The following EYS variants were observed in gnomAD, a reference collection of about 807,000 sequenced individuals.
The protein encoded by EYS is EGF-like photoreceptor maintenance factor, also known as protein eyes shut homolog.
Under a neutral mutation model 282.1 loss-of-function variants are expected in EYS, and 250 were observed. The ratio of observed to expected loss-of-function variants is 0.89; its 90% CI spans 0.80 to 0.98. The LOEUF is 0.98. Among genes scored for constraint, EYS ranks in the 50% least tolerant of loss-of-function variants. EYS has a pLI of 0.00. For synonymous variants in EYS, 1,355 were observed against 1,282.9 expected (o/e 1.06, Z -1.20); for missense variants, 4,016 against 3,709.0 (o/e 1.08, Z -2.15).
At chr6:65,240,940 TA>T (rs981344578) in intron 12 of EYS, among the ~76,000 whole-genome samples, 14 of 152,296 alleles carry the variant, frequency 9.2e-5, no homozygotes, top group African/African-American at 3.4e-4. Flanking sequence ...AACACAATTT[TA>T]TAACAGATTT....
chr6:64,352,090 C>G (rs746968994), intron 29 of EYS, among the ~76,000 whole-genome samples: 9 of 151,416 alleles, frequency 5.9e-5, no homozygotes, highest in Non-Finnish European at 1.3e-4. Context: ...TTTAAAACAA[C>G]CCAGGACCAA....
chr6:64,808,823 T>A, intron 22 of EYS, among the ~76,000 whole-genome samples: 1 of 152,140 alleles, frequency 6.6e-6, no homozygotes, highest in Admixed American at 6.6e-5. Flanking sequence ...TAAAATAATT[T>A]AAAATAATAA....
At chr6:64,227,316 G>A (rs773844798) in intron 31 of EYS, among the ~76,000 whole-genome samples, 1 of 151,686 alleles carries the variant, frequency 6.6e-6, no homozygotes, top group Non-Finnish European at 1.5e-5. Context: ...TTGGTTTGAC[G>A]ATTTTTGAAA....
chr6:64,594,849 A>G (rs1473539576), intron 24 of EYS, among the ~76,000 whole-genome samples: 1 of 151,478 alleles, frequency 6.6e-6, no homozygotes, highest in Non-Finnish European at 1.5e-5. Flanking sequence ...ATAATAATAA[A>G]ATTTAAAAAA....
intron 4 of EYS, chr6:65,491,422 A>G: frequency 3.2e-6 from 1 of 314,072 alleles, no homozygotes; most frequent in Non-Finnish European, 6.3e-6. Context: ...GTTACAAACC[A>G]ACTGCATGTA....
chr6:64,606,775 C>T (rs184053689), intron 24 of EYS, among the ~76,000 whole-genome samples: 33 of 142,136 alleles, frequency 2.3e-4, no homozygotes, highest in East Asian at 1.5e-3. Context: ...ACAGCCTTCT[C>T]CTTACTTGGG....
intron 28 of EYS, among the ~76,000 whole-genome samples, chr6:64,427,893 T>A (rs1318894239): frequency 6.6e-6 from 1 of 152,136 alleles, no homozygotes; most frequent in African/African-American, 2.4e-5. Context: ...ATTAATTTTC[T>A]GAAATAATGA....
At chr6:64,269,888 A>G (rs1046940261) in intron 30 of EYS, among the ~76,000 whole-genome samples, 1 of 152,048 alleles carries the variant, frequency 6.6e-6, no homozygotes, top group Non-Finnish European at 1.5e-5. Flanking sequence ...ATTACAACAA[A>G]CATATTTTGA....
At chr6:65,312,647 T>C (rs1769190638) in intron 11 of EYS, among the ~76,000 whole-genome samples, 5 of 152,190 alleles carry the variant, frequency 3.3e-5, no homozygotes, top group Admixed American at 6.5e-5. Context: ...GACAAATGTT[T>C]TACATGTAAA....
chr6:64,822,549 G>C lies in EYS; in HGVS notation c.3164+102C>G. On this transcript the variant is annotated intron_variant, in intron 20 of 42. Transcript: ENST00000503581. ...TACTTAGCTCTTGTTTTATGAAAGAGCATAATTAAAATTATCTTTATCAAC... is the reference window on the plus strand; with the variant it reads ...TACTTAGCTCTTGTTTTATGAAAGACCATAATTAAAATTATCTTTATCAAC... 3.0e-6 allele frequency: 3 copies of C among 992,096 alleles called. No individual in the cohort carries two copies. The South Asian group carries it at 5.3e-5, about 18-fold the overall frequency. 61.5% of individuals were successfully genotyped at this position (992,096 alleles called of 1,614,324 possible). A position where few individuals can be genotyped will look rare whatever the true frequency, so the allele number is the denominator to read the frequency against.
At chr6:63,984,675 G>T (rs1767274406) in intron 34 of EYS, 72 bp from the exon 35 acceptor site, 3 of 1,185,868 alleles carry the variant, frequency 2.5e-6, no homozygotes, top group Non-Finnish European at 3.6e-6. Context: ...TAGGATGTTT[G>T]GTTCTGTAAT....
chr6:65,323,446 C>T lies in EYS; in HGVS notation c.1766+11534G>A, dbSNP rs972552822. On this transcript the variant is annotated intron_variant, in intron 11 of 42. Transcript: ENST00000503581. ...CTACTCTGAAGACAAGGTGTTCTTA[C>T]ATCTCGGTCTTTGAGCATATATGTA... Among the ~76,000 whole-genome samples the T allele has an allele frequency of 1.8e-4, 27 of 152,290 alleles. No individual in the cohort carries two copies. The Middle Eastern group carries it at 0.01, about 58-fold the overall frequency.
chr6:63,738,860 T>A lies in EYS; in HGVS notation c.8072-12180A>T, dbSNP rs1582158603. On this transcript the variant is annotated intron_variant, in intron 41 of 42. Coordinates refer to ENST00000503581, the MANE Select transcript of EYS (RefSeq NM_001142800.2). ...TTATATCCATATCCTGATCCTCAACTAATCTCCACCCACTAGCAGCATTAA... is the reference window on the plus strand; with the variant it reads ...TTATATCCATATCCTGATCCTCAACAAATCTCCACCCACTAGCAGCATTAA... Among the ~76,000 whole-genome samples, 3 of 152,292 alleles carry A rather than the reference T, an allele frequency of 2.0e-5. No individual in the cohort carries two copies. The South Asian group carries it at 6.2e-4, about 32-fold the overall frequency.
intron 26 of EYS, among the ~76,000 whole-genome samples, chr6:64,547,982 C>T (rs1764936388): frequency 6.6e-6 from 1 of 152,214 alleles, no homozygotes; most frequent in Non-Finnish European, 1.5e-5. Context: ...AAGTGCGGGA[C>T]CAGCCAAGCC....
At chr6:65,106,831 A>T (rs1275945844) in intron 12 of EYS, among the ~76,000 whole-genome samples, 1 of 152,090 alleles carries the variant, frequency 6.6e-6, no homozygotes, top group Non-Finnish European at 1.5e-5. Context: ...TAACAATGTA[A>T]ATATATATGT....
intron 22 of EYS, among the ~76,000 whole-genome samples, chr6:64,811,466 C>T (rs1467425322): frequency 1.3e-5 from 2 of 151,364 alleles, no homozygotes. Flanking sequence ...ATAACTTTTC[C>T]CTAAAAGGAA....
At chr6:65,197,056 AG>A (rs765620212) in intron 12 of EYS, among the ~76,000 whole-genome samples, 26 of 152,098 alleles carry the variant, frequency 1.7e-4, no homozygotes, top group Non-Finnish European at 3.2e-4. Flanking sequence ...GCTTTTCCAA[AG>A]GTCATTCTGT....
intron 5 of EYS, among the ~76,000 whole-genome samples, chr6:65,411,800 T>C (rs996662233): frequency 6.6e-6 from 1 of 151,948 alleles, no homozygotes; most frequent in African/African-American, 2.4e-5. Context: ...AAAGCTCTTA[T>C]GTGCACCAAT....
At chr6:63,756,418 TGGTTTAC>T (rs1554167147) in intron 41 of EYS, among the ~76,000 whole-genome samples, 1 of 152,212 alleles carries the variant, frequency 6.6e-6, no homozygotes, top group Non-Finnish European at 1.5e-5. Context: ...GTTTATGTGA[TGGTTTAC>T]GTTTATTGAT....
Sources: gnomAD v4.1 joint callset for allele counts (sites outside exome capture counted in the v4.1 genomes callset) on GRCh38, gnomAD v4.1.1 for gene constraint, MANE v1.5 for transcripts, NCBI Gene and HGNC (gene_info 2026-07-23, HGNC 2026-07-21) for gene names.